CYP19A1: variants seen among roughly 807,000 people sequenced by gnomAD.
CYP19A1 encodes cytochrome P450 family 19 subfamily A member 1.
CYP19A1 carries 32 observed loss-of-function variants against 44.4 expected under a neutral mutation model. That is an observed-to-expected ratio of 0.72 (90% CI 0.54 to 0.97). CYP19A1 has a LOEUF of 0.97. Ranked by LOEUF, CYP19A1 falls within the 50% of genes least tolerant of loss-of-function variation. The pLI, the probability that CYP19A1 is intolerant of heterozygous loss-of-function variation, is 0.00. For synonymous variants in CYP19A1, 212 were observed against 215.6 expected (o/e 0.98, Z 0.14); for missense variants, 598 against 637.8 (o/e 0.94, Z 0.67).
At chr15:51,288,352 C>T (rs571513235) in intron 1 of CYP19A1, among the ~76,000 whole-genome samples, 2 of 152,256 alleles carry the variant, frequency 1.3e-5, no homozygotes, top group Admixed American at 1.3e-4. Context: ...TCACCGCCCA[C>T]CCCCCATAGT....
rs144217336 is a variant in CYP19A1, at chr15:51,300,449, G to C, written c.-39+38046C>G. On this transcript the variant is annotated intron_variant, in intron 1 of 9. Coordinates refer to ENST00000396402, the MANE Select transcript of CYP19A1 (RefSeq NM_000103.4). ...GCTTTCATAGGAGAGATCATCTCTG[G>C]GGCAGATGATTGGGTGTGATAGAGG... Among the ~76,000 whole-genome samples, 634 of 152,268 alleles carry C rather than the reference G, an allele frequency of 4.2e-3. 2 individuals carry two copies. The highest frequency in any genetic ancestry group is 0.015 in the African/African-American group (608 of 41,542).
At chr15:51,267,200 G>A (rs1191904516) in intron 1 of CYP19A1, among the ~76,000 whole-genome samples, 1 of 152,268 alleles carries the variant, frequency 6.6e-6, no homozygotes, top group South Asian at 2.1e-4. Flanking sequence ...CCAGCTCCTC[G>A]TATTGTGTCC....
intron 1 of CYP19A1, among the ~76,000 whole-genome samples, chr15:51,281,572 G>T (rs905551410): frequency 6.6e-6 from 1 of 152,206 alleles, no homozygotes; most frequent in Non-Finnish European, 1.5e-5. Flanking sequence ...AAGCACAACC[G>T]CCTTCTTCAG....
intron 1 of CYP19A1, among the ~76,000 whole-genome samples, chr15:51,286,253 A>C (rs2035695173): frequency 6.6e-6 from 1 of 152,024 alleles, no homozygotes; most frequent in Non-Finnish European, 1.5e-5. Flanking sequence ...TCCTCACCCA[A>C]ATCCCCAGAG....
At chr15:51,283,938 A>G (rs985552298) in intron 1 of CYP19A1, among the ~76,000 whole-genome samples, 1 of 152,204 alleles carries the variant, frequency 6.6e-6, no homozygotes, top group African/African-American at 2.4e-5. Flanking sequence ...GGGAGCTGCC[A>G]AAAAAGGTCC....
At chr15:51,316,728 A>G (rs1004641361) in intron 1 of CYP19A1, among the ~76,000 whole-genome samples, 2 of 151,624 alleles carry the variant, frequency 1.3e-5, no homozygotes, top group Non-Finnish European at 2.9e-5. Context: ...AAAAAAAAAA[A>G]GGAAGAAAGA....
chr15:51,307,083 T>C (rs2036229412), intron 1 of CYP19A1, among the ~76,000 whole-genome samples: 2 of 152,158 alleles, frequency 1.3e-5, no homozygotes, highest in African/African-American at 4.8e-5. Context: ...GATCGCTGAG[T>C]CTAGACCTTT....
At chr15:51,239,800 C>T (rs777307513) in intron 2 of CYP19A1, among the ~76,000 whole-genome samples, 2 of 152,138 alleles carry the variant, frequency 1.3e-5, no homozygotes, top group Non-Finnish European at 2.9e-5. Flanking sequence ...CCGCACTGTC[C>T]AGTTTTCTGT....
intron 1 of CYP19A1, among the ~76,000 whole-genome samples, chr15:51,286,774 G>A (rs947368736): frequency 1.3e-5 from 2 of 152,190 alleles, no homozygotes; most frequent in Non-Finnish European, 2.9e-5. Context: ...GCAATCAGAT[G>A]AAAATCACCC....
chr15:51,259,115 G>C, intron 1 of CYP19A1, among the ~76,000 whole-genome samples: 1 of 152,180 alleles, frequency 6.6e-6, no homozygotes, highest in Non-Finnish European at 1.5e-5. Context: ...TTCAGGATAT[G>C]ATACGTCATT....
At chr15:51,324,508 A>C (rs2036577744) in intron 1 of CYP19A1, among the ~76,000 whole-genome samples, 1 of 152,242 alleles carries the variant, frequency 6.6e-6, no homozygotes, top group African/African-American at 2.4e-5. Flanking sequence ...CCTGTGTGAC[A>C]ACATAACAGA....
intron 1 of CYP19A1, among the ~76,000 whole-genome samples, chr15:51,288,555 TTTGGCATGCTCCTG>T (rs1448589067): frequency 5.9e-5 from 9 of 152,194 alleles, no homozygotes; most frequent in Admixed American, 3.3e-4. Context: ...CCTCTCACCC[TTTGGCATGCTCCTG>T]TGGCCCACTA....
chr15:51,312,264 G>A (rs1487832995), intron 1 of CYP19A1: 1 of 152,180 alleles, frequency 6.6e-6, no homozygotes, highest in Non-Finnish European at 1.5e-5. Context: ...AGATGCTAAG[G>A]CACAGAATAT....
At chr15:51,270,542 A>C (rs2035086543) in intron 1 of CYP19A1, among the ~76,000 whole-genome samples, 1 of 152,218 alleles carries the variant, frequency 6.6e-6, no homozygotes, top group Non-Finnish European at 1.5e-5. Flanking sequence ...CCACTGTTCT[A>C]GGGAAATTGG....
intron 1 of CYP19A1, among the ~76,000 whole-genome samples, chr15:51,309,130 C>A (rs1182874870): frequency 2.0e-5 from 3 of 152,064 alleles, no homozygotes; most frequent in East Asian, 3.8e-4. Context: ...GTGGTGGGAC[C>A]TTTTGAGGTG....
chr15:51,313,858 G>GT (rs2036368309), intron 1 of CYP19A1, among the ~76,000 whole-genome samples: 1 of 152,094 alleles, frequency 6.6e-6, no homozygotes, highest in Non-Finnish European at 1.5e-5. Flanking sequence ...GCTGGGGTGC[G>GT]TGGTCTCAGT....
At chr15:51,299,285 AGC>A (rs2036064214) in intron 1 of CYP19A1, among the ~76,000 whole-genome samples, 1 of 152,198 alleles carries the variant, frequency 6.6e-6, no homozygotes, top group African/African-American at 2.4e-5. Flanking sequence ...CATTCACAGG[AGC>A]TGCTGCTCAG....
chr15:51,228,650 C>G (rs951600217), intron 3 of CYP19A1, among the ~76,000 whole-genome samples: 1 of 152,192 alleles, frequency 6.6e-6, no homozygotes, highest in Admixed American at 6.5e-5. Flanking sequence ...CAGAGTTCTC[C>G]CACGACACAG....
intron 1 of CYP19A1, among the ~76,000 whole-genome samples, chr15:51,270,035 T>C (rs2035066711): frequency 6.6e-6 from 1 of 152,226 alleles, no homozygotes; most frequent in Non-Finnish European, 1.5e-5. Context: ...GTTTACTGGC[T>C]CTATAGATCA....
Sources: gnomAD v4.1 joint callset for allele counts (sites outside exome capture counted in the v4.1 genomes callset) on GRCh38, gnomAD v4.1.1 for gene constraint, MANE v1.5 for transcripts, NCBI Gene and HGNC (gene_info 2026-07-23, HGNC 2026-07-21) for gene names.